Variants in NRDC observed in about 807,000 individuals in gnomAD.
NRDC encodes the protein nardilysin convertase.
Under a neutral mutation model 147.1 loss-of-function variants are expected in NRDC, and 54 were observed. That is an observed-to-expected ratio of 0.37 (90% CI 0.29 to 0.46). The LOEUF (loss-of-function observed/expected upper bound fraction) is 0.46, where lower values mean the gene tolerates loss of function less well. Among genes scored for constraint, NRDC ranks in the 20% least tolerant of loss-of-function variants. The pLI is 1.00. For synonymous variants in NRDC, 440 were observed against 482.1 expected, an observed-to-expected ratio of 0.91 and a Z score of 1.14; for missense variants, 1,082 against 1,370.6, an observed-to-expected ratio of 0.79 and a Z score of 3.33.
intron 6 of NRDC, among the ~76,000 whole-genome samples, chr1:51,825,033 T>C (rs1050746722): frequency 2.4e-4 from 36 of 152,306 alleles, no homozygotes; most frequent in Non-Finnish European, 1.2e-4. Flanking sequence ...AAATAATTCA[T>C]GTAGTGTTAG....
At chr1:51,843,844 T>C (rs1402977259) in intron 1 of NRDC, among the ~76,000 whole-genome samples, 3 of 150,790 alleles carry the variant, frequency 2.0e-5, no homozygotes, top group Admixed American at 6.6e-5. Flanking sequence ...AATATCTGTA[T>C]CAGATACCAA....
chr1:51,850,852 C>T (rs1571904878), intron 1 of NRDC, among the ~76,000 whole-genome samples: 1 of 152,142 alleles, frequency 6.6e-6, no homozygotes, highest in African/African-American at 2.4e-5. Flanking sequence ...CCTGGTCCTC[C>T]TTGCTTGACA....
intron 11 of NRDC, among the ~76,000 whole-genome samples, chr1:51,815,695 T>C (rs973002801): frequency 7.9e-5 from 12 of 152,168 alleles, no homozygotes; most frequent in Non-Finnish European, 4.4e-5. Context: ...AAAATACTTA[T>C]TTAAATGTCT....
intron 24 of NRDC, among the ~76,000 whole-genome samples, chr1:51,793,780 G>T (rs1253960288): frequency 6.6e-6 from 1 of 152,200 alleles, no homozygotes; most frequent in Non-Finnish European, 1.5e-5. Context: ...CCAGAATTTG[G>T]GGAGTCAGTA....
chr1:51,831,409 T>C (rs1680701033), intron 4 of NRDC, among the ~76,000 whole-genome samples: 1 of 152,150 alleles, frequency 6.6e-6, no homozygotes, highest in Non-Finnish European at 1.5e-5. Context: ...TACAAAGACC[T>C]GTTTGGATTC....
intron 27 of NRDC, 110 bp downstream of exon 27, chr1:51,791,464 CTAAA>C (rs1179464639): frequency 3.7e-6 from 3 of 807,986 alleles, no homozygotes; most frequent in Non-Finnish European, 6.4e-6. Context: ...CTTCCACTGA[CTAAA>C]TAGAGCAAAC....
chr1:51,801,522 C>G (rs189565645), intron 20 of NRDC, among the ~76,000 whole-genome samples: 66 of 152,044 alleles, frequency 4.3e-4, no homozygotes, highest in Admixed American at 3.1e-3. Flanking sequence ...ATATACTAGT[C>G]TTTTGACCAG....
chr1:51,790,457 G>A (rs41293247), intron 29 of NRDC, 76 bp downstream of exon 29: 23,952 of 878,320 alleles, frequency 0.027, 722 homozygotes, highest in Admixed American at 0.11. Context: ...CAATGCTGGT[G>A]TGCACAGACC....
At position 51,878,560 on chromosome 1, in the gene NRDC, T is replaced by G. The variant is rs1402608146; in HGVS notation, c.56A>C (p.Glu19Ala). 1 of 1,613,422 alleles carries G rather than the reference T, an allele frequency of 6.2e-7. No individual in the cohort carries two copies. Among genetic ancestry groups the G allele is most frequent in the Non-Finnish European group, 8.5e-7 (1 of 1,179,776 alleles). ...GAGCGCCGCGAGCTCCCGCCCGGCC[T>G]CACACAACTTCCTCCGGGTGGCACA... The part of the protein sequence containing the change: ...AVCATRRKLC[E>A]AGRELAALWG... The change falls in exon 1 of 31, where the codon GAG (glutamate) becomes GCG (alanine). Residue 19 changes from glutamate to alanine, a missense_variant. Around this residue, in one of 3 missense-constraint regions of NRDC, gnomAD observed 260 missense variants for 253.2 expected, o/e 1.03. Transcript: ENST00000352171.
Position 51,871,125 on chromosome 1 carries a change from T to C in NRDC, c.341+7150A>G, listed in dbSNP as rs548668916. 1.7e-4 allele frequency among the ~76,000 whole-genome samples: 26 copies of C among 152,170 alleles called. No homozygotes were observed. The South Asian group carries it at 4.6e-3, about 27-fold the overall frequency. On this transcript the variant is annotated intron_variant, in intron 1 of 30. Coordinates refer to ENST00000352171, the MANE Select transcript of NRDC (RefSeq NM_001101662.2). ...TGAGGTCAGGAGTTCAAAACCAGCC[T>C]GGCCAAGATGATGAAATCCCCTCTC...
Position 51,796,192 on chromosome 1 carries a change from T to C in NRDC, c.2605-1338A>G, listed in dbSNP as rs183856913. ...CACCATGTCCAGCCTTAAGCAATTATTTTTCATTTATTTGGCCTAACATCA... is the reference window on the plus strand; with the variant it reads ...CACCATGTCCAGCCTTAAGCAATTACTTTTCATTTATTTGGCCTAACATCA... On this transcript the variant is annotated intron_variant, in intron 22 of 30. Coordinates refer to ENST00000352171, the MANE Select transcript of NRDC (RefSeq NM_001101662.2). Among the ~76,000 whole-genome samples the C allele has an allele frequency of 1.2e-3, 188 of 152,216 alleles. 1 individual carries two copies. The highest frequency in any genetic ancestry group is 4.5e-3 in the African/African-American group (185 of 41,532).
intron 3 of NRDC, among the ~76,000 whole-genome samples, chr1:51,835,602 G>T (rs899128169): frequency 6.6e-6 from 1 of 151,304 alleles, no homozygotes; most frequent in South Asian, 2.1e-4. Context: ...AAGTAGCTGG[G>T]ACTACAGGTG....
At chr1:51,821,470 G>A (rs897204273) in intron 8 of NRDC, 28 bp downstream of exon 8, 1 of 1,481,314 alleles carries the variant, frequency 6.8e-7, no homozygotes, top group Non-Finnish European at 9.4e-7. Flanking sequence ...CTCTGAAGGT[G>A]TATGATGTAT....
At chr1:51,852,636 C>A (rs1682032132) in intron 1 of NRDC, among the ~76,000 whole-genome samples, 1 of 19,014 alleles carries the variant, frequency 5.3e-5, no homozygotes, top group Non-Finnish European at 1.2e-4. Flanking sequence ...CCATGCCCGG[C>A]CACTTTTCTT....
At chr1:51,839,160 C>CTTTTTT (rs5774110) in intron 2 of NRDC, among the ~76,000 whole-genome samples, 15 of 133,770 alleles carry the variant, frequency 1.1e-4, no homozygotes, top group East Asian at 2.2e-4. Flanking sequence ...TTTTCTTTTT[C>CTTTTTT]TTTTTTTTTT....
In NRDC at chr1:51,833,968, C is replaced by T. The variant is rs748503937; in HGVS notation, c.866+49G>A. The stretch of plus-strand genomic sequence containing the variant: ...TACAAGAACACTCTATTTACATTTG[C>T]AAAGTGCCATTAGATCATTAAAATT... On this transcript the variant is annotated intron_variant, in intron 4 of 30. Transcript: ENST00000352171. 2.1e-5 allele frequency: 32 copies of T among 1,516,276 alleles called. 1 individual carries two copies. In the South Asian group the frequency reaches 3.4e-4, roughly 16 times the overall value. 93.9% of individuals were successfully genotyped at this position (1,516,276 alleles called of 1,614,324 possible). A position where few individuals can be genotyped will look rare whatever the true frequency, so the allele number is the denominator to read the frequency against.
intron 1 of NRDC, among the ~76,000 whole-genome samples, chr1:51,843,113 A>C: frequency 6.9e-6 from 1 of 144,000 alleles, no homozygotes; most frequent in Non-Finnish European, 1.5e-5. Flanking sequence ...GTGGGAGGGC[A>C]GGGCAACATG....
intron 1 of NRDC, among the ~76,000 whole-genome samples, chr1:51,846,495 G>A (rs115323904): frequency 0.029 from 4,430 of 152,348 alleles, 102 homozygotes; most frequent in South Asian, 0.1. Flanking sequence ...CTTCAAGAAT[G>A]AAGCCGCGGA....
intron 1 of NRDC, among the ~76,000 whole-genome samples, chr1:51,876,473 C>T (rs1471485044): frequency 6.6e-6 from 1 of 152,072 alleles, no homozygotes; most frequent in Non-Finnish European, 1.5e-5. Context: ...TAATTTTGTG[C>T]ATGAAACAAA....
Sources: allele counts gnomAD v4.1 joint callset (sites outside exome capture counted in the v4.1 genomes callset), GRCh38; gene constraint gnomAD v4.1.1; regional missense constraint gnomAD v4.1.1; transcripts MANE v1.5; gene names NCBI Gene and HGNC (gene_info 2026-07-23, HGNC 2026-07-21).